Variants in RSPO2 observed in about 807,000 individuals in gnomAD.
RSPO2 encodes R-spondin 2, also known as R-spondin-2.
In RSPO2, 14 loss-of-function variants were observed where a neutral mutation model predicts 30.9. The observed-to-expected ratio is 0.45, with a 90% CI of 0.30 to 0.71. The LOEUF (loss-of-function observed/expected upper bound fraction) is 0.71. RSPO2 is among the 30% of genes least tolerant of loss of function. The probability of loss-of-function intolerance (pLI) is 0.08; values close to 1 mark genes in which losing one functional copy is unlikely to be tolerated. For synonymous variants in RSPO2, 107 were observed against 96.4 expected, an observed-to-expected ratio of 1.11 and a Z score of -0.64; for missense variants, 264 against 301.9, an observed-to-expected ratio of 0.87 and a Z score of 0.93.
intron 5 of RSPO2, among the ~76,000 whole-genome samples, chr8:107,942,419 T>C (rs893997995): frequency 9.2e-5 from 14 of 152,326 alleles, no homozygotes; most frequent in African/African-American, 2.9e-4. Context: ...CATAGTTTCA[T>C]TATATAAAAT....
intron 3 of RSPO2, among the ~76,000 whole-genome samples, chr8:107,981,393 C>T (rs576312620): frequency 1.3e-5 from 2 of 151,818 alleles, no homozygotes; most frequent in East Asian, 2.0e-4. Flanking sequence ...TCGTGGCGTG[C>T]GCCTGTAGTC....
intron 2 of RSPO2, among the ~76,000 whole-genome samples, chr8:108,053,932 A>G (rs1198687926): frequency 6.6e-6 from 1 of 152,196 alleles, no homozygotes; most frequent in Non-Finnish European, 1.5e-5. Context: ...AAGCTAACTC[A>G]AGTCCCCATT....
At chr8:107,913,941 TG>T (rs2130283612) in intron 5 of RSPO2, among the ~76,000 whole-genome samples, 1 of 152,286 alleles carries the variant, frequency 6.6e-6, no homozygotes. Context: ...AGTATGTTCT[TG>T]TCAGTTTTAC....
At chr8:107,941,639 A>G (rs1055061632) in intron 5 of RSPO2, among the ~76,000 whole-genome samples, 2 of 152,208 alleles carry the variant, frequency 1.3e-5, no homozygotes, top group African/African-American at 4.8e-5. Flanking sequence ...CACTCTGACC[A>G]TGAATAAATC....
At chr8:107,935,779 T>C (rs1218920783) in intron 5 of RSPO2, among the ~76,000 whole-genome samples, 4 of 151,514 alleles carry the variant, frequency 2.6e-5, no homozygotes, top group Admixed American at 6.6e-5. Flanking sequence ...ACTAATTAAA[T>C]AGCCGGAGGC....
chr8:107,981,011 T>A (rs563667769), intron 3 of RSPO2, among the ~76,000 whole-genome samples: 2 of 152,314 alleles, frequency 1.3e-5, no homozygotes, highest in Admixed American at 1.3e-4. Flanking sequence ...TTAATTTTAT[T>A]TCTCAGTAAT....
At chr8:107,914,115 G>C (rs984493277) in intron 5 of RSPO2, among the ~76,000 whole-genome samples, 1 of 152,092 alleles carries the variant, frequency 6.6e-6, no homozygotes, top group Non-Finnish European at 1.5e-5. Flanking sequence ...GACATTACCT[G>C]GAGATTGACA....
At chr8:107,983,365 T>C (rs1410220173) in intron 3 of RSPO2, 6 of 1,609,388 alleles carry the variant, frequency 3.7e-6, no homozygotes, top group Non-Finnish European at 5.1e-6. Context: ...TGAAGCAAGA[T>C]TGAAAGCCCA....
chr8:107,922,660 A>G (rs1235178824), intron 5 of RSPO2, among the ~76,000 whole-genome samples: 1 of 152,184 alleles, frequency 6.6e-6, no homozygotes, highest in Non-Finnish European at 1.5e-5. Flanking sequence ...CAAAAAGAAC[A>G]AAGCTGGAGG....
At chr8:107,983,108 C>A in intron 3 of RSPO2, 1 of 1,422,414 alleles carries the variant, frequency 7.0e-7, no homozygotes, top group South Asian at 1.4e-5. Context: ...GCCGCTTACC[C>A]CAGGGTCTAT....
At chr8:108,002,328 A>G (rs1338467889) in intron 2 of RSPO2, among the ~76,000 whole-genome samples, 1 of 152,222 alleles carries the variant, frequency 6.6e-6, no homozygotes, top group Non-Finnish European at 1.5e-5. Context: ...CAAACTGCTC[A>G]CAAACAGAGC....
intron 2 of RSPO2, among the ~76,000 whole-genome samples, chr8:108,034,384 T>C (rs976168463): frequency 1.3e-5 from 2 of 152,206 alleles, no homozygotes; most frequent in Non-Finnish European, 1.5e-5. Flanking sequence ...GAGGAATTAC[T>C]GTTAATTTTT....
At chr8:107,921,479 A>G (rs1306731922) in intron 5 of RSPO2, among the ~76,000 whole-genome samples, 1 of 152,148 alleles carries the variant, frequency 6.6e-6, no homozygotes, top group Non-Finnish European at 1.5e-5. Context: ...ACAAAATCTA[A>G]GTACTGAAAG....
chr8:107,944,764 G>A (rs1331635502), intron 5 of RSPO2, among the ~76,000 whole-genome samples: 6 of 152,138 alleles, frequency 3.9e-5, no homozygotes, highest in Admixed American at 1.3e-4. Flanking sequence ...GTCTGTAAAG[G>A]AAGGGATGCA....
chr8:108,050,512 T>G (rs1812046129), intron 2 of RSPO2, among the ~76,000 whole-genome samples: 1 of 152,154 alleles, frequency 6.6e-6, no homozygotes, highest in Non-Finnish European at 1.5e-5. Flanking sequence ...AGACCATAAG[T>G]ATGTAGATTT....
At chr8:107,939,714 C>A (rs548988035) in intron 5 of RSPO2, among the ~76,000 whole-genome samples, 1 of 151,810 alleles carries the variant, frequency 6.6e-6, no homozygotes, top group Non-Finnish European at 1.5e-5. Context: ...AAATGCCAAG[C>A]GTTTTGCCTG....
At chr8:108,045,302 C>T (rs186181867) in intron 2 of RSPO2, among the ~76,000 whole-genome samples, 125 of 151,850 alleles carry the variant, frequency 8.2e-4, no homozygotes, top group African/African-American at 2.8e-3. Context: ...AAGACATAAG[C>T]GGCCAACATG....
chr8:108,001,170 C>T (rs1037116044), intron 2 of RSPO2, among the ~76,000 whole-genome samples: 31 of 151,898 alleles, frequency 2.0e-4, no homozygotes, highest in East Asian at 5.8e-4. Context: ...CCAGCCTGGG[C>T]GACAGAGCGA....
At chr8:108,032,907 G>A (rs192072521) in intron 2 of RSPO2, among the ~76,000 whole-genome samples, 242 of 151,838 alleles carry the variant, frequency 1.6e-3, no homozygotes, top group African/African-American at 5.7e-3. Flanking sequence ...AAAATTAGCC[G>A]GGTGTGGTGG....
Sources: gnomAD v4.1 joint callset for allele counts (sites outside exome capture counted in the v4.1 genomes callset) on GRCh38, gnomAD v4.1.1 for gene constraint, MANE v1.5 for transcripts, NCBI Gene and HGNC (gene_info 2026-07-23, HGNC 2026-07-21) for gene names.